Variants in PDE11A observed in about 807,000 individuals in gnomAD.
PDE11A encodes phosphodiesterase 11A.
PDE11A carries 100 observed loss-of-function variants against 100.5 expected under a neutral mutation model. That is an observed-to-expected ratio of 1.00 (90% CI 0.85 to 1.18). The LOEUF (loss-of-function observed/expected upper bound fraction) is 1.18. PDE11A is among the 50% of genes most tolerant of loss of function. The probability of loss-of-function intolerance (pLI) is 0.00; values close to 1 mark genes in which losing one functional copy is unlikely to be tolerated. For missense variants in PDE11A, 1,141 were observed against 1,152.6 expected (o/e 0.99, Z 0.15); for synonymous variants, 381 against 420.8 (o/e 0.91, Z 1.16).
chr2:177,638,155 G>A (rs534539369), intron 19 of PDE11A, among the ~76,000 whole-genome samples: 30 of 151,342 alleles, frequency 2.0e-4, no homozygotes, highest in African/African-American at 5.8e-4. Context: ...GCCCGCCACC[G>A]TGCCCGGCTA....
chr2:177,763,314 A>G (rs2082194893), intron 10 of PDE11A, among the ~76,000 whole-genome samples: 1 of 152,230 alleles, frequency 6.6e-6, no homozygotes, highest in Admixed American at 6.5e-5. Flanking sequence ...AAAGGCGGGC[A>G]CAGAAGAGGA....
At chr2:178,045,157 C>T (rs1043181176) in intron 1 of PDE11A, among the ~76,000 whole-genome samples, 3 of 152,070 alleles carry the variant, frequency 2.0e-5, no homozygotes, top group African/African-American at 7.2e-5. Context: ...TTCTCAGAGA[C>T]AAATTGTACA....
chr2:178,097,193 A>G (rs553273237), intron 2 of PDE11A, among the ~76,000 whole-genome samples: 2 of 152,240 alleles, frequency 1.3e-5, no homozygotes, highest in South Asian at 4.2e-4. Flanking sequence ...GCCATCTCTT[A>G]CACATTTTTA....
At chr2:177,629,672 A>G in intron 19 of PDE11A, 110 bp from the exon 20 acceptor site, 2 of 1,092,944 alleles carry the variant, frequency 1.8e-6, no homozygotes, top group Middle Eastern at 2.4e-4. Flanking sequence ...ATAGGAAATG[A>G]AAGTGATGAT....
intron 2 of PDE11A, among the ~76,000 whole-genome samples, chr2:178,099,960 A>G (rs758584911): frequency 3.9e-5 from 6 of 152,358 alleles, no homozygotes; most frequent in South Asian, 4.1e-4. Context: ...ACGTTATAAC[A>G]TAAATGAACC....
chr2:178,034,476 A>G (rs1239623133), intron 1 of PDE11A, among the ~76,000 whole-genome samples: 1 of 152,188 alleles, frequency 6.6e-6, no homozygotes, highest in East Asian at 1.9e-4. Context: ...TGAGACAGAA[A>G]ATTAACAAGG....
intron 6 of PDE11A, among the ~76,000 whole-genome samples, chr2:177,823,526 G>A (rs2083177543): frequency 6.6e-6 from 1 of 152,064 alleles, no homozygotes; most frequent in South Asian, 2.1e-4. Context: ...CCATGAAGTA[G>A]GTACTGTTAT....
intron 10 of PDE11A, among the ~76,000 whole-genome samples, chr2:177,767,127 C>T (rs1380656366): frequency 1.3e-5 from 2 of 152,164 alleles, no homozygotes; most frequent in South Asian, 2.1e-4. Flanking sequence ...GTCAGGAGTT[C>T]GGGACCAACC....
At chr2:177,934,333 C>G (rs1447553653) in intron 2 of PDE11A, among the ~76,000 whole-genome samples, 1 of 152,098 alleles carries the variant, frequency 6.6e-6, no homozygotes, top group African/African-American at 2.4e-5. Context: ...AAGACACAAA[C>G]AGACACTTCT....
At chr2:177,794,398 C>A (rs1205945367) in intron 9 of PDE11A, among the ~76,000 whole-genome samples, 3 of 152,106 alleles carry the variant, frequency 2.0e-5, no homozygotes, top group Non-Finnish European at 4.4e-5. Flanking sequence ...ATAGAGGGAC[C>A]AGGGATTAGA....
At chr2:177,686,317 A>G (rs1276976800) in intron 15 of PDE11A, among the ~76,000 whole-genome samples, 1 of 152,224 alleles carries the variant, frequency 6.6e-6, no homozygotes, top group East Asian at 1.9e-4. Flanking sequence ...CTGTAATCCC[A>G]GTGCTTTGGG....
chr2:177,698,788 A>G (rs2081155272), intron 14 of PDE11A, among the ~76,000 whole-genome samples: 2 of 152,188 alleles, frequency 1.3e-5, no homozygotes, highest in African/African-American at 4.8e-5. Context: ...TGTTAAGAAG[A>G]AGACAAATAA....
intron 10 of PDE11A, among the ~76,000 whole-genome samples, chr2:177,759,359 AGGAAAT>A (rs1337306991): frequency 6.6e-6 from 1 of 152,220 alleles, no homozygotes; most frequent in East Asian, 1.9e-4. Context: ...GTATCACTAT[AGGAAAT>A]ATTATAAAAA....
At chr2:177,991,010 A>T (rs2085997893) in intron 2 of PDE11A, among the ~76,000 whole-genome samples, 1 of 150,390 alleles carries the variant, frequency 6.6e-6, no homozygotes, top group Admixed American at 6.7e-5. Context: ...ATAAATAAAT[A>T]AAATAAAGAA....
chr2:177,647,680 G>T (rs1451111558), intron 19 of PDE11A, among the ~76,000 whole-genome samples: 1 of 152,092 alleles, frequency 6.6e-6, no homozygotes, highest in Non-Finnish European at 1.5e-5. Context: ...CCAATGTCCC[G>T]GATCTACAGA....
At chr2:177,978,031 CA>C (rs2085832403) in intron 2 of PDE11A, among the ~76,000 whole-genome samples, 1 of 11,280 alleles carries the variant, frequency 8.9e-5, no homozygotes, top group Non-Finnish European at 2.1e-4. Flanking sequence ...ACTTCATGTC[CA>C]AAACACCAAA....
chr2:177,770,497 T>G (rs1212522449), intron 9 of PDE11A, among the ~76,000 whole-genome samples: 1 of 152,264 alleles, frequency 6.6e-6, no homozygotes, highest in Non-Finnish European at 1.5e-5. Flanking sequence ...GTGGCCTTTA[T>G]GACACGGCCT....
chr2:177,818,484 A>G (rs1189846559), intron 7 of PDE11A, among the ~76,000 whole-genome samples: 2 of 151,920 alleles, frequency 1.3e-5, no homozygotes, highest in Non-Finnish European at 2.9e-5. Context: ...CAATTTCCTC[A>G]TCTGTAAAAT....
At position 177,706,756 on chromosome 2, in the gene PDE11A, T is replaced by G. The variant is rs149177572; in HGVS notation, c.2153+5013A>C. On this transcript the variant is annotated intron_variant, in intron 13 of 19. Coordinates refer to ENST00000286063, the MANE Select transcript of PDE11A (RefSeq NM_016953.4). ...AAAAACGCATCACACTACCTTGGAATAGGCAGATTTGATCATGTGATGTGA... is the reference window on the plus strand; with the variant it reads ...AAAAACGCATCACACTACCTTGGAAGAGGCAGATTTGATCATGTGATGTGA... Among the ~76,000 whole-genome samples, 116 of 152,316 alleles carry G rather than the reference T, an allele frequency of 7.6e-4. 1 individual carries two copies. Among genetic ancestry groups the G allele is most frequent in the Non-Finnish European group, 1.3e-3 (89 of 68,040 alleles).
Sources: allele counts gnomAD v4.1 joint callset (sites outside exome capture counted in the v4.1 genomes callset), GRCh38; gene constraint gnomAD v4.1.1; transcripts MANE v1.5; gene names NCBI Gene and HGNC (gene_info 2026-07-23, HGNC 2026-07-21).